EIPR1: variants seen among roughly 807,000 people sequenced by gnomAD.
The protein encoded by EIPR1 is EARP and GARP complex-interacting protein 1.
In EIPR1, 25 loss-of-function variants were observed where a neutral mutation model predicts 48.1. That is an observed-to-expected ratio of 0.52 (90% confidence interval 0.38 to 0.73). The LOEUF is 0.73. Among genes scored for constraint, EIPR1 ranks in the 30% least tolerant of loss-of-function variants. EIPR1 has a pLI of 0.00. For synonymous variants in EIPR1, 204 were observed against 201.9 expected (o/e 1.01, Z -0.09); for missense variants, 415 against 506.2 (o/e 0.82, Z 1.73).
At chr2:3,334,169 C>T (rs1479989323) in intron 3 of EIPR1, among the ~76,000 whole-genome samples, 1 of 152,212 alleles carries the variant, frequency 6.6e-6, no homozygotes, top group Non-Finnish European at 1.5e-5. Context: ...CGCAAGATGC[C>T]TCCCACCAGC....
intron 2 of EIPR1, among the ~76,000 whole-genome samples, chr2:3,352,017 C>T (rs1462796297): frequency 6.7e-6 from 1 of 148,228 alleles, no homozygotes; most frequent in Non-Finnish European, 1.5e-5. Flanking sequence ...CCTGAGCCAC[C>T]CACACTGTCT....
intron 1 of EIPR1, among the ~76,000 whole-genome samples, chr2:3,365,758 C>A (rs1353586465): frequency 6.6e-6 from 1 of 151,090 alleles, no homozygotes; most frequent in Non-Finnish European, 1.5e-5. Context: ...ATCCATTTAA[C>A]CCTGAGTGGA....
At position 3,219,573 on chromosome 2, in the gene EIPR1, C is replaced by T. The variant is rs561283339; in HGVS notation, c.417-5325G>A. Among the ~76,000 whole-genome samples, 8 of 151,622 alleles carry T rather than the reference C, an allele frequency of 5.3e-5. No homozygotes were observed. In the South Asian group the frequency reaches 1.7e-3, roughly 32 times the overall value. On this transcript the variant is annotated intron_variant, in intron 4 of 8. Coordinates refer to ENST00000382125, the MANE Select transcript of EIPR1 (RefSeq NM_003310.5). The stretch of plus-strand genomic sequence containing the variant: ...ATGCTCTAGAGCATTCACAGTGAGT[C>T]AGGTGCACACCAAGCATGGCTCTGG...
chr2:3,341,121 C>CAAAAAAA (rs1258563248), intron 2 of EIPR1, among the ~76,000 whole-genome samples: 1 of 91,592 alleles, frequency 1.1e-5, no homozygotes, highest in African/African-American at 4.2e-5. Flanking sequence ...AAAAAAAAAA[C>CAAAAAAA]AAAACAAAAC....
intron 3 of EIPR1, among the ~76,000 whole-genome samples, chr2:3,277,114 A>T (rs558871399): frequency 2.0e-5 from 3 of 152,288 alleles, no homozygotes; most frequent in African/African-American, 7.2e-5. Flanking sequence ...AACCCTGCCC[A>T]TTTAGAGGCA....
intron 4 of EIPR1, among the ~76,000 whole-genome samples, chr2:3,256,447 C>T (rs1362112804): frequency 1.3e-5 from 2 of 152,186 alleles, no homozygotes; most frequent in South Asian, 4.2e-4. Flanking sequence ...TCTAACTTGT[C>T]ACCTTGGTGT....
chr2:3,201,682 G>A (rs879623787), intron 5 of EIPR1, among the ~76,000 whole-genome samples: 30 of 152,174 alleles, frequency 2.0e-4, no homozygotes, highest in Non-Finnish European at 3.1e-4. Flanking sequence ...GAAAATTCAC[G>A]ACCCTAAACG....
At chr2:3,372,090 G>A (rs1333411470) in intron 1 of EIPR1, among the ~76,000 whole-genome samples, 5 of 150,866 alleles carry the variant, frequency 3.3e-5, no homozygotes, top group South Asian at 2.1e-4. Context: ...ATTCAAAACC[G>A]CTCAACTACA....
At chr2:3,236,012 A>G (rs1375115372) in intron 4 of EIPR1, among the ~76,000 whole-genome samples, 1 of 152,144 alleles carries the variant, frequency 6.6e-6, no homozygotes, top group Non-Finnish European at 1.5e-5. Context: ...GGTAAGAGCA[A>G]CATCAACACC....
intron 3 of EIPR1, among the ~76,000 whole-genome samples, chr2:3,330,345 G>A (rs370075006): frequency 2.7e-4 from 41 of 152,210 alleles, no homozygotes; most frequent in South Asian, 1.2e-3. Context: ...AACAGATCAA[G>A]TTAGGACACG....
At chr2:3,291,151 G>A (rs941948944) in intron 3 of EIPR1, among the ~76,000 whole-genome samples, 2 of 152,206 alleles carry the variant, frequency 1.3e-5, no homozygotes, top group East Asian at 1.9e-4. Flanking sequence ...ATGCCTGGGG[G>A]TGGGGCGAGA....
intron 5 of EIPR1, among the ~76,000 whole-genome samples, chr2:3,200,754 C>A (rs544289465): frequency 2.0e-5 from 3 of 152,078 alleles, no homozygotes; most frequent in Non-Finnish European, 2.9e-5. Context: ...AAGGCATCCG[C>A]GGTGAGTCTG....
At chr2:3,340,328 A>G (rs1346370142) in intron 2 of EIPR1, among the ~76,000 whole-genome samples, 1 of 152,194 alleles carries the variant, frequency 6.6e-6, no homozygotes, top group Non-Finnish European at 1.5e-5. Context: ...GGCCAAGGAG[A>G]AGCCAGATAT....
intron 4 of EIPR1, among the ~76,000 whole-genome samples, chr2:3,228,860 C>G (rs1572329293): frequency 6.6e-6 from 1 of 152,150 alleles, no homozygotes; most frequent in Admixed American, 6.5e-5. Context: ...TCTTTGCGTT[C>G]CACCATGATT....
At position 3,228,154 on chromosome 2, in the gene EIPR1, A is replaced by G. The variant is rs571838952; in HGVS notation, c.417-13906T>C. Among the ~76,000 whole-genome samples the G allele has an allele frequency of 4.0e-4, 61 of 152,382 alleles. 2 individuals are homozygous for G. The South Asian group carries it at 0.012, about 31-fold the overall frequency. ...TGCCTGGAAAAGCTGCAGACACTCA[A>G]TGCCGGCCCATGAAAGCAGCCAGTC... On this transcript the variant is annotated intron_variant, in intron 4 of 8. Coordinates refer to ENST00000382125, the MANE Select transcript of EIPR1 (RefSeq NM_003310.5).
intron 4 of EIPR1, among the ~76,000 whole-genome samples, chr2:3,228,262 G>A (rs905523535): frequency 3.9e-5 from 6 of 152,272 alleles, no homozygotes; most frequent in African/African-American, 1.2e-4. Context: ...ACCTGCATGT[G>A]AGACATGGAG....
At chr2:3,253,393 C>T (rs1165615512) in intron 4 of EIPR1, among the ~76,000 whole-genome samples, 1 of 152,180 alleles carries the variant, frequency 6.6e-6, no homozygotes, top group Admixed American at 6.5e-5. Flanking sequence ...CCCCTGAGGG[C>T]CGTGGTCACT....
intron 3 of EIPR1, among the ~76,000 whole-genome samples, chr2:3,336,919 A>G (rs1241878304): frequency 1.0e-3 from 39 of 38,420 alleles, no homozygotes; most frequent in Non-Finnish European, 1.4e-3. Flanking sequence ...GGGAAGGGAA[A>G]AGGGAAGGGA....
chr2:3,230,386 G>A (rs1019407546), intron 4 of EIPR1, among the ~76,000 whole-genome samples: 3 of 152,128 alleles, frequency 2.0e-5, no homozygotes, highest in East Asian at 3.8e-4. Context: ...GAAAAGACAC[G>A]CTGCAGCTGA....
Sources: gnomAD v4.1 joint callset for allele counts (sites outside exome capture counted in the v4.1 genomes callset) on GRCh38, gnomAD v4.1.1 for gene constraint, MANE v1.5 for transcripts, NCBI Gene and HGNC (gene_info 2026-07-23, HGNC 2026-07-21) for gene names.